Variants in CMIP observed in about 807,000 individuals in gnomAD.
CMIP encodes the protein C-Maf-inducing protein.
A neutral mutation model predicts 97.3 loss-of-function variants in CMIP; 13 were observed. The ratio of observed to expected loss-of-function variants is 0.13; its 90% CI spans 0.09 to 0.21. CMIP has a LOEUF of 0.21. Ranked by LOEUF, CMIP falls within the 10% of genes least tolerant of loss-of-function variation. The probability of loss-of-function intolerance (pLI) is 1.00; values close to 1 mark genes in which losing one functional copy is unlikely to be tolerated. For missense variants in CMIP, 847 were observed against 1,024.9 expected, an observed-to-expected ratio of 0.83 and a Z score of 2.37; for synonymous variants, 538 against 436.3, an observed-to-expected ratio of 1.23 and a Z score of -2.91.
At chr16:81,706,941 C>T in intron 19 of CMIP, 73 bp from the exon 20 acceptor site, 1 of 1,333,364 alleles carries the variant, frequency 7.5e-7, no homozygotes, top group Non-Finnish European at 1.1e-6. Context: ...TGAGCTCCTC[C>T]AGCTTGGCCA....
chr16:81,536,674 G>A (rs116652175), intron 1 of CMIP, among the ~76,000 whole-genome samples: 3,598 of 152,222 alleles, frequency 0.024, 55 homozygotes, highest in Non-Finnish European at 0.031. Flanking sequence ...GCAGGAGGCC[G>A]AGGGACAACA....
intron 13 of CMIP, chr16:81,696,151 G>A (rs1430512740): frequency 2.2e-5 from 6 of 270,518 alleles, no homozygotes; most frequent in South Asian, 1.1e-4. Flanking sequence ...AACAGAGAAC[G>A]GAGACCCAGG....
At chr16:81,503,965 C>G (rs1473394034) in intron 1 of CMIP, among the ~76,000 whole-genome samples, 2 of 152,186 alleles carry the variant, frequency 1.3e-5, no homozygotes, top group Admixed American at 1.3e-4. Context: ...TCCTCACATG[C>G]CAACTGTCAT....
intron 1 of CMIP, among the ~76,000 whole-genome samples, chr16:81,565,543 C>T (rs893291531): frequency 6.6e-6 from 1 of 152,234 alleles, no homozygotes; most frequent in African/African-American, 2.4e-5. Flanking sequence ...TCACATCCCC[C>T]AGAAGGAACC....
In CMIP at chr16:81,661,058, G is replaced by T. The variant is rs1056803655; in HGVS notation, c.744+112G>T. On this transcript the variant is annotated intron_variant, in intron 6 of 20. Coordinates refer to ENST00000537098, the MANE Select transcript of CMIP (RefSeq NM_198390.3). Reference sequence around the variant, plus strand: ...CAAAAACCTGGGCCCCACCGTCTTGGGTCACGGTCCCAGACACAGGCGGAG... The same window carrying T: ...CAAAAACCTGGGCCCCACCGTCTTGTGTCACGGTCCCAGACACAGGCGGAG... 29 of 1,314,704 alleles carry T rather than the reference G, an allele frequency of 2.2e-5. No homozygotes were observed. In the African/African-American group the frequency reaches 3.9e-4, roughly 18 times the overall value. 81.4% of individuals were successfully genotyped at this position (1,314,704 alleles called of 1,614,324 possible). A position where few individuals can be genotyped will look rare whatever the true frequency, so the allele number is the denominator to read the frequency against.
At chr16:81,576,586 A>G (rs548010851) in intron 1 of CMIP, among the ~76,000 whole-genome samples, 1 of 152,290 alleles carries the variant, frequency 6.6e-6, no homozygotes, top group South Asian at 2.1e-4. Flanking sequence ...TAGGTTGCTC[A>G]GGGATACGTA....
intron 2 of CMIP, among the ~76,000 whole-genome samples, chr16:81,609,148 T>G (rs1333619039): frequency 1.3e-5 from 2 of 152,154 alleles, no homozygotes; most frequent in African/African-American, 4.8e-5. Context: ...ACGCTTTTCT[T>G]TTAACCCTGT....
chr16:81,660,068 T>G (rs909279744), intron 5 of CMIP, among the ~76,000 whole-genome samples: 1 of 152,146 alleles, frequency 6.6e-6, no homozygotes, highest in Non-Finnish European at 1.5e-5. Context: ...CAGGCAGTAG[T>G]AACCGTTGTT....
chr16:81,610,505 C>T, intron 2 of CMIP: 1 of 985,582 alleles, frequency 1.0e-6, no homozygotes, highest in Non-Finnish European at 1.2e-6. Flanking sequence ...GAGCAGCAGA[C>T]ACGGCCTCCC....
intron 1 of CMIP, among the ~76,000 whole-genome samples, chr16:81,472,388 T>G (rs1236793384): frequency 6.6e-6 from 1 of 152,192 alleles, no homozygotes; most frequent in African/African-American, 2.4e-5. Context: ...CCAGTGTCCT[T>G]CATGGTGGCT....
At chr16:81,552,512 C>T (rs1597548866) in intron 1 of CMIP, among the ~76,000 whole-genome samples, 1 of 152,174 alleles carries the variant, frequency 6.6e-6, no homozygotes, top group South Asian at 2.1e-4. Context: ...CTTCTAGAGG[C>T]CACCTGCATT....
chr16:81,529,270 G>A (rs1457640846), intron 1 of CMIP, among the ~76,000 whole-genome samples: 1 of 152,162 alleles, frequency 6.6e-6, no homozygotes, highest in Non-Finnish European at 1.5e-5. Flanking sequence ...CCGTGAGGGA[G>A]GGTAAAGAGA....
intron 3 of CMIP, chr16:81,645,516 C>G (rs1402759564): frequency 3.3e-6 from 5 of 1,535,840 alleles, no homozygotes; most frequent in Non-Finnish European, 4.4e-6. Flanking sequence ...GAGCAACAGG[C>G]TCTGCTTTCC....
intron 1 of CMIP, among the ~76,000 whole-genome samples, chr16:81,559,973 C>T (rs62046639): frequency 1.3e-5 from 2 of 151,510 alleles, no homozygotes; most frequent in East Asian, 2.0e-4. Flanking sequence ...CGTGTTGAAT[C>T]GCCATGTCTA....
intron 1 of CMIP, among the ~76,000 whole-genome samples, chr16:81,469,361 A>C (rs2150744863): frequency 6.6e-6 from 1 of 152,244 alleles, no homozygotes; most frequent in East Asian, 1.9e-4. Context: ...CACCTCTCTG[A>C]GCTTTTGTTT....
At chr16:81,702,513 A>G (rs1597273213) in intron 16 of CMIP, 109 bp from the exon 17 acceptor site, 1 of 1,153,648 alleles carries the variant, frequency 8.7e-7, no homozygotes, top group Non-Finnish European at 1.3e-6. Flanking sequence ...GTTGCCTTGT[A>G]CCACCAAGAA....
At chr16:81,457,083 G>C (rs918037600) in intron 1 of CMIP, among the ~76,000 whole-genome samples, 5 of 152,058 alleles carry the variant, frequency 3.3e-5, no homozygotes, top group African/African-American at 1.2e-4. Flanking sequence ...ACTGTGGAGC[G>C]AGCGTCCCGC....
intron 1 of CMIP, among the ~76,000 whole-genome samples, chr16:81,509,810 G>A (rs148723363): frequency 6.6e-6 from 1 of 152,196 alleles, no homozygotes; most frequent in Non-Finnish European, 1.5e-5. Flanking sequence ...CCCTCAGCTT[G>A]CTGTCTTCCT....
chr16:81,477,108 G>C (rs899718229), intron 1 of CMIP, among the ~76,000 whole-genome samples: 1 of 152,078 alleles, frequency 6.6e-6, no homozygotes, highest in African/African-American at 2.4e-5. Context: ...AGCTGGTTGT[G>C]TCTATCTTCT....
Sources: gnomAD v4.1 joint callset for allele counts (sites outside exome capture counted in the v4.1 genomes callset) on GRCh38, gnomAD v4.1.1 for gene constraint, MANE v1.5 for transcripts, NCBI Gene and HGNC (gene_info 2026-07-23, HGNC 2026-07-21) for gene names.